PARD3B: variants seen among roughly 807,000 people sequenced by gnomAD.
PARD3B encodes the protein par-3 family cell polarity regulator beta.
Under a neutral mutation model 130.2 loss-of-function variants are expected in PARD3B, and 103 were observed. The observed-to-expected ratio is 0.79, with a 90% CI of 0.67 to 0.93. The LOEUF (loss-of-function observed/expected upper bound fraction) is 0.93. Among genes scored for constraint, PARD3B ranks in the 40% least tolerant of loss-of-function variants. PARD3B has a pLI of 0.00. For synonymous variants in PARD3B, 583 were observed against 553.2 expected (o/e 1.05, Z -0.76); for missense variants, 1,609 against 1,499.2 (o/e 1.07, Z -1.21).
intron 18 of PARD3B, among the ~76,000 whole-genome samples, chr2:205,383,021 T>C (rs552346884): frequency 6.6e-6 from 1 of 151,990 alleles, no homozygotes; most frequent in South Asian, 2.1e-4. Flanking sequence ...GCTCTAGGAA[T>C]ACTCATTGCT....
At chr2:204,901,357 T>C (rs1312764888) in intron 2 of PARD3B, among the ~76,000 whole-genome samples, 2 of 151,992 alleles carry the variant, frequency 1.3e-5, no homozygotes, top group African/African-American at 4.8e-5. Context: ...AAAGGTAAAG[T>C]CGTCTCTCCC....
At chr2:204,854,168 G>A (rs1289306349) in intron 2 of PARD3B, among the ~76,000 whole-genome samples, 1 of 152,142 alleles carries the variant, frequency 6.6e-6, no homozygotes, top group Non-Finnish European at 1.5e-5. Flanking sequence ...GAAGCTTGGA[G>A]GGGTAGGTGG....
chr2:205,373,167 A>G (rs980006451), intron 18 of PARD3B, among the ~76,000 whole-genome samples: 11 of 152,170 alleles, frequency 7.2e-5, no homozygotes, highest in African/African-American at 2.4e-4. Flanking sequence ...ATAGTCTAAG[A>G]TGCAGGACCT....
chr2:205,061,440 C>G (rs1308533470), intron 4 of PARD3B, among the ~76,000 whole-genome samples: 2 of 151,986 alleles, frequency 1.3e-5, no homozygotes, highest in Admixed American at 1.3e-4. Flanking sequence ...CTTTTCTCAC[C>G]TATAAAGTAA....
chr2:205,411,800 G>C (rs566438010), intron 19 of PARD3B, among the ~76,000 whole-genome samples: 1 of 152,050 alleles, frequency 6.6e-6, no homozygotes, highest in African/African-American at 2.4e-5. Flanking sequence ...TGCTCCTCAA[G>C]CATAGTGAGC....
At chr2:205,052,419 G>GTATATATA (rs869192541) in intron 4 of PARD3B, among the ~76,000 whole-genome samples, 1 of 39,768 alleles carries the variant, frequency 2.5e-5, no homozygotes, top group Non-Finnish European at 4.7e-5. Context: ...ATATATATAT[G>GTATATATA]TATATATATA....
intron 20 of PARD3B, among the ~76,000 whole-genome samples, chr2:205,498,318 G>A (rs564533000): frequency 2.6e-5 from 4 of 151,940 alleles, no homozygotes; most frequent in African/African-American, 9.7e-5. Flanking sequence ...CCAGATCAAT[G>A]TGGTGAAATC....
At chr2:205,180,843 TTCAA>T (rs1385768812) in intron 13 of PARD3B, among the ~76,000 whole-genome samples, 3 of 152,152 alleles carry the variant, frequency 2.0e-5, no homozygotes, top group African/African-American at 7.2e-5. Context: ...AGTGTGGTGC[TTCAA>T]GATGGTAATA....
intron 2 of PARD3B, among the ~76,000 whole-genome samples, chr2:204,893,366 GA>G (rs1559234973): frequency 6.6e-6 from 1 of 152,158 alleles, no homozygotes; most frequent in Non-Finnish European, 1.5e-5. Context: ...GTTTAACAAA[GA>G]AATGAGAAAG....
intron 2 of PARD3B, among the ~76,000 whole-genome samples, chr2:204,827,353 C>T (rs771541861): frequency 5.3e-5 from 8 of 152,014 alleles, no homozygotes; most frequent in East Asian, 1.9e-4. Context: ...AAGCTAGTGA[C>T]AGAGGTGAGG....
intron 2 of PARD3B, among the ~76,000 whole-genome samples, chr2:204,833,875 G>C (rs1242687708): frequency 6.6e-6 from 1 of 152,040 alleles, no homozygotes; most frequent in Non-Finnish European, 1.5e-5. Flanking sequence ...GGCCGTTAAC[G>C]TGACCCACAA....
At chr2:204,930,975 T>G (rs1687986357) in intron 2 of PARD3B, among the ~76,000 whole-genome samples, 1 of 152,116 alleles carries the variant, frequency 6.6e-6, no homozygotes, top group African/African-American at 2.4e-5. Context: ...TAATACAGGC[T>G]TTTGCCTTTC....
intron 2 of PARD3B, among the ~76,000 whole-genome samples, chr2:204,947,865 A>T (rs1388837138): frequency 6.6e-6 from 1 of 152,188 alleles, no homozygotes; most frequent in Non-Finnish European, 1.5e-5. Context: ...GAATAGGTCT[A>T]TTGTTTGCAA....
chr2:204,686,127 G>A, intron 1 of PARD3B, 54 bp from the exon 2 acceptor site: 9 of 1,232,102 alleles, frequency 7.3e-6, no homozygotes, highest in Non-Finnish European at 1.1e-5. Context: ...ATTAAAATGT[G>A]TTTAACTTTT....
chr2:204,670,619 G>T (rs891883357), intron 1 of PARD3B, among the ~76,000 whole-genome samples: 6 of 152,012 alleles, frequency 3.9e-5, no homozygotes, highest in Non-Finnish European at 7.4e-5. Context: ...TAAGGTAGTT[G>T]AAAATACTAG....
chr2:205,183,951 G>A lies in PARD3B; in HGVS notation c.1925-1813G>A, dbSNP rs1191184158. On this transcript the variant is annotated intron_variant, in intron 13 of 22. Transcript: ENST00000406610. This position sits in a 1 kb window ranked among gnomAD's most constrained non-coding sequence, Gnocchi z 5.2. ...TTTCAGTCTGAAGACAAACGGGCTT[G>A]AGACTCAGGAAGAACTGATGTTTCC... Among the ~76,000 whole-genome samples the A allele has an allele frequency of 6.6e-6, 1 of 152,044 alleles. No individual in the cohort carries two copies.
intron 1 of PARD3B, among the ~76,000 whole-genome samples, chr2:204,598,740 T>C (rs892286389): frequency 6.6e-6 from 1 of 152,088 alleles, no homozygotes; most frequent in African/African-American, 2.4e-5. Flanking sequence ...ACAAACACTC[T>C]GTAGTAAACA....
intron 2 of PARD3B, among the ~76,000 whole-genome samples, chr2:204,960,508 G>A (rs1210275458): frequency 6.6e-6 from 1 of 152,038 alleles, no homozygotes; most frequent in Non-Finnish European, 1.5e-5. Context: ...ATGATACCTA[G>A]AGCATCTTAA....
At position 204,686,267 on chromosome 2, in the gene PARD3B, T is replaced by A; in HGVS notation, c.207T>A (p.Val69=). The A allele has an allele frequency of 6.2e-7, 1 of 1,609,120 alleles. No individual in the cohort carries two copies. The highest frequency in any genetic ancestry group is 8.5e-7 in the Non-Finnish European group (1 of 1,175,634). ...CAGATGATGTCTTGGCAGATGTTGT[T>A]GAAGATAAAGACAAGGTAGATAACT... ...LDPDDVLADV[V]EDKDKLIAVF... The change falls in exon 2 of 23, where the codon GTT becomes GTA. Residue 69 remains valine (V), a synonymous_variant. Transcript: ENST00000406610.
Sources: gnomAD v4.1 joint callset for allele counts (sites outside exome capture counted in the v4.1 genomes callset) on GRCh38, gnomAD v4.1.1 for gene constraint, Gnocchi (gnomAD v3.1) non-coding constraint, MANE v1.5 for transcripts, NCBI Gene and HGNC (gene_info 2026-07-23, HGNC 2026-07-21) for gene names.